Variants in RANBP17 observed in about 807,000 individuals in gnomAD.
RANBP17 encodes RAN binding protein 17, also known as ran-binding protein 17.
Under a neutral mutation model 141.2 loss-of-function variants are expected in RANBP17, and 158 were observed. That is an observed-to-expected ratio of 1.12 (90% CI 0.98 to 1.28). The LOEUF is 1.28. Among genes scored for constraint, RANBP17 ranks in the 50% most tolerant of loss-of-function variants. The pLI, the probability that RANBP17 is intolerant of heterozygous loss-of-function variation, is 0.00. For synonymous variants in RANBP17, 430 were observed against 450.0 expected (o/e 0.96, Z 0.56); for missense variants, 1,438 against 1,290.7 (o/e 1.11, Z -1.75).
chr5:171,198,849 C>G (rs1762130897), intron 18 of RANBP17, among the ~76,000 whole-genome samples: 1 of 152,214 alleles, frequency 6.6e-6, no homozygotes, highest in African/African-American at 2.4e-5. Context: ...CCTGTTTCTT[C>G]AGTAGAGTGC....
At chr5:171,116,267 G>A (rs902316200) in intron 14 of RANBP17, among the ~76,000 whole-genome samples, 8 of 151,552 alleles carry the variant, frequency 5.3e-5, no homozygotes, top group African/African-American at 1.9e-4. Flanking sequence ...GACTGGTAAA[G>A]ATACTGTGAT....
intron 14 of RANBP17, among the ~76,000 whole-genome samples, chr5:171,163,448 C>T (rs1759481542): frequency 6.6e-6 from 1 of 152,114 alleles, no homozygotes; most frequent in Admixed American, 6.6e-5. Context: ...TTTCTTACAC[C>T]TCTCCTCCTC....
intron 14 of RANBP17, among the ~76,000 whole-genome samples, chr5:171,055,575 CT>C (rs993646321): frequency 4.6e-4 from 70 of 152,016 alleles, no homozygotes; most frequent in African/African-American, 1.4e-3. Flanking sequence ...TCAAACAAGA[CT>C]TTTTTTCATA....
Position 171,240,986 on chromosome 5 carries a change from C to T in RANBP17, c.2481C>T (p.Leu827=), listed in dbSNP as rs1261279185. 6.2e-7 allele frequency: 1 copy of T among 1,613,952 alleles called. No homozygotes were observed. The highest frequency in any genetic ancestry group is 2.2e-5 in the East Asian group (1 of 44,874). Residue 827 remains leucine, a synonymous_variant, in exon 23 of 28, where the codon CTC becomes CTT. Transcript: ENST00000523189. ...AAGATCAGATTTATCCAATGAAACT[C>T]AAGGGCATCTCCATCTGCTATTCAG... The part of the protein sequence containing the change: ...LSKDQIYPMK[L]KGISICYSAL...
chr5:171,287,665 T>A (rs935239015), intron 25 of RANBP17, among the ~76,000 whole-genome samples: 2 of 151,624 alleles, frequency 1.3e-5, no homozygotes, highest in African/African-American at 4.9e-5. Flanking sequence ...ACCTTTTCTT[T>A]GGTCTGTCTT....
chr5:171,106,635 A>G (rs1412094901), intron 14 of RANBP17, among the ~76,000 whole-genome samples: 2 of 152,100 alleles, frequency 1.3e-5, no homozygotes, highest in African/African-American at 4.8e-5. Context: ...TTGGGCATCG[A>G]TTTGTCTTTA....
chr5:171,209,435 G>T (rs1172229895), intron 20 of RANBP17, among the ~76,000 whole-genome samples: 1 of 152,086 alleles, frequency 6.6e-6, no homozygotes, highest in East Asian at 1.9e-4. Flanking sequence ...GTATCATTTT[G>T]GGCAAACTGA....
At chr5:171,242,097 T>TA (rs2127997162) in intron 23 of RANBP17, among the ~76,000 whole-genome samples, 1 of 152,252 alleles carries the variant, frequency 6.6e-6, no homozygotes, top group African/African-American at 2.4e-5. Flanking sequence ...TAGCTGGAAT[T>TA]ACCAGCATGA....
At chr5:171,295,598 A>T (rs1299706368) in intron 26 of RANBP17, among the ~76,000 whole-genome samples, 2 of 152,184 alleles carry the variant, frequency 1.3e-5, no homozygotes, top group African/African-American at 4.8e-5. Context: ...CAGGAAAAGC[A>T]TGCATTCAGT....
At chr5:171,266,503 A>C (rs1766693425) in intron 25 of RANBP17, among the ~76,000 whole-genome samples, 1 of 152,166 alleles carries the variant, frequency 6.6e-6, no homozygotes, top group African/African-American at 2.4e-5. Context: ...ATAAGAAATG[A>C]ATATTGCAAG....
chr5:171,191,806 C>T (rs1459589097), intron 18 of RANBP17, among the ~76,000 whole-genome samples: 1 of 152,192 alleles, frequency 6.6e-6, no homozygotes, highest in Non-Finnish European at 1.5e-5. Context: ...TAAACTATTA[C>T]TTCATCTTTC....
At chr5:171,298,256 G>T (rs1476236082) in intron 27 of RANBP17, among the ~76,000 whole-genome samples, 8 of 152,146 alleles carry the variant, frequency 5.3e-5, no homozygotes, top group Non-Finnish European at 1.2e-4. Context: ...CTCATAAGTG[G>T]TAGAGCTAGG....
chr5:171,252,319 A>G (rs997789813), intron 24 of RANBP17: 19 of 1,543,012 alleles, frequency 1.2e-5, no homozygotes, highest in Middle Eastern at 1.8e-4. Context: ...CCCAGACCCA[A>G]TGCGGGTTCA....
chr5:171,059,415 C>T (rs1250244685), intron 14 of RANBP17, among the ~76,000 whole-genome samples: 2 of 152,094 alleles, frequency 1.3e-5, no homozygotes, highest in African/African-American at 2.4e-5. Flanking sequence ...ATTTATTAAA[C>T]AGGAAATCCT....
At chr5:170,953,903 A>G (rs1775402535) in intron 13 of RANBP17, among the ~76,000 whole-genome samples, 1 of 152,182 alleles carries the variant, frequency 6.6e-6, no homozygotes, top group African/African-American at 2.4e-5. Context: ...TAGACTCAAA[A>G]TATTTTGTAC....
intron 25 of RANBP17, among the ~76,000 whole-genome samples, chr5:171,268,429 G>C (rs17747968): frequency 0.14 from 21,919 of 152,020 alleles, 1,657 homozygotes; most frequent in East Asian, 0.21. Context: ...ACTGAAAAGC[G>C]CAAGTTCTTA....
intron 14 of RANBP17, among the ~76,000 whole-genome samples, chr5:170,998,962 G>A (rs2127574497): frequency 1.3e-5 from 2 of 151,998 alleles, no homozygotes; most frequent in African/African-American, 4.8e-5. Context: ...CCATTGTATA[G>A]TTCAGAACAA....
chr5:171,223,607 C>G (rs1763704996), intron 22 of RANBP17, among the ~76,000 whole-genome samples: 2 of 152,000 alleles, frequency 1.3e-5, no homozygotes, highest in Non-Finnish European at 2.9e-5. Flanking sequence ...TGCACTCCAG[C>G]CTGGGCAACA....
chr5:171,201,632 A>G (rs1762302008), intron 19 of RANBP17, among the ~76,000 whole-genome samples: 1 of 152,258 alleles, frequency 6.6e-6, no homozygotes. Flanking sequence ...TGCAGTGATT[A>G]AATATGCAGC....
Sources: gnomAD v4.1 joint callset for allele counts (sites outside exome capture counted in the v4.1 genomes callset) on GRCh38, gnomAD v4.1.1 for gene constraint, MANE v1.5 for transcripts, NCBI Gene and HGNC (gene_info 2026-07-23, HGNC 2026-07-21) for gene names.